Variants in DHRS3 observed in about 807,000 individuals in gnomAD.
DHRS3 encodes short-chain dehydrogenase/reductase 3.
Under a neutral mutation model 27.2 loss-of-function variants are expected in DHRS3, and 14 were observed. The ratio of observed to expected loss-of-function variants is 0.52; its 90% CI spans 0.34 to 0.81. The LOEUF is 0.81. DHRS3 is among the 30% of genes least tolerant of loss of function. DHRS3 has a pLI of 0.01. For synonymous variants in DHRS3, 165 were observed against 175.9 expected, an observed-to-expected ratio of 0.94 and a Z score of 0.49; for missense variants, 322 against 406.2, an observed-to-expected ratio of 0.79 and a Z score of 1.78.
rs1285675894 is a variant in DHRS3 at position 12,583,350 on chromosome 1, T to C, written c.196-2684A>G. On this transcript the variant is annotated intron_variant, in intron 1 of 5. Transcript: ENST00000616661. ...ATCCATCCATCCATCCATCCATCCA[T>C]CCACCCACCCATCCATTCCTCACCC... Among the ~76,000 whole-genome samples the C allele has an allele frequency of 9.9e-4, 131 of 131,992 alleles. 2 individuals are homozygous for C. Among genetic ancestry groups the C allele is most frequent in the South Asian group, 5.4e-4 (2 of 3,730 alleles). 86.6% of individuals were successfully genotyped at this position (131,992 alleles called of 152,430 possible).
rs891272993 is a variant in DHRS3, at chr1:12,617,788, TAAAAAAAAA to T, written c.-449_-441del. ...GTCCCGCGGTTTCAAAGTGCAAGAT[TAAAAAAAAA>T]AAAAAAAAAAAAAAAAAAGCTGATT... On this transcript the variant is annotated 5_prime_UTR_variant, in exon 1 of 6. Transcript: ENST00000616661. The T allele has an allele frequency of 3.3e-4, 1 of 3,070 alleles. No individual in the cohort carries two copies. Among genetic ancestry groups the T allele is most frequent in the Non-Finnish European group, 5.1e-4 (1 of 1,964 alleles). 0.2% of individuals were successfully genotyped at this position (3,070 alleles called of 1,614,324 possible). A position where few individuals can be genotyped will look rare whatever the true frequency, so the allele number is the denominator to read the frequency against.
intron 1 of DHRS3, among the ~76,000 whole-genome samples, chr1:12,615,482 C>A (rs181565018): frequency 1.2e-4 from 19 of 152,204 alleles, no homozygotes; most frequent in African/African-American, 2.7e-4. Flanking sequence ...CACCCACCCC[C>A]CAATGCCATA....
intron 1 of DHRS3, among the ~76,000 whole-genome samples, chr1:12,583,793 TC>T (rs1490260433): frequency 2.0e-5 from 3 of 149,962 alleles, no homozygotes; most frequent in Non-Finnish European, 3.0e-5. Context: ...CATCCATCCA[TC>T]CCCCCACCCA....
chr1:12,578,948 C>T lies in DHRS3; in HGVS notation c.468G>A (p.Lys156=), dbSNP rs1646616992. The T allele has an allele frequency of 2.5e-6, 4 of 1,612,114 alleles. No homozygotes were observed. The highest frequency in any genetic ancestry group is 1.7e-5 in the Admixed American group (1 of 59,986). ...INTLGQFWTT[K]AFLPRMLELQ... is the part of the protein sequence containing the mutation. ...GCTCCAGCATACGCGGCAGGAAGGC[C>T]TTGGTGGTCTGAGGGCAGATGGGGT... The change falls in exon 4 of 6, where the codon AAG becomes AAA. Residue 156 remains lysine, a synonymous_variant. Transcript: ENST00000616661. This position sits in a 1 kb window ranked among gnomAD's most constrained non-coding sequence, Gnocchi z 4.5.
rs749951435 is a variant in DHRS3 at position 12,579,408 on chromosome 1, C to T, written c.344G>A (p.Gly115Asp). Residue 115 changes from glycine (G) to aspartate (D), a missense_variant, in exon 3 of 6, where the codon GGT becomes GAT. Gly to Asp is a moderately conservative substitution (Grantham distance 94). Coordinates refer to ENST00000616661, the MANE Select transcript of DHRS3 (RefSeq NM_004753.7). ...ATTGTTCACCAGGATGGTGATGTCA[C>T]CCACCTGCAGGCGAGAGGGAGCCAC... ...QTAKAVREKV[G>D]DITILVNNAA... 9.3e-6 allele frequency: 15 copies of T among 1,613,892 alleles called. 1 individual carries two copies. In the South Asian group the frequency reaches 1.5e-4, roughly 17 times the overall value.
At chr1:12,613,088 G>A (rs191133034) in intron 1 of DHRS3, among the ~76,000 whole-genome samples, 3 of 151,622 alleles carry the variant, frequency 2.0e-5, no homozygotes, top group Non-Finnish European at 2.9e-5. Flanking sequence ...ATGACGGGAC[G>A]TAGACACACA....
At chr1:12,612,766 G>C (rs1385469298) in intron 1 of DHRS3, among the ~76,000 whole-genome samples, 9 of 152,108 alleles carry the variant, frequency 5.9e-5, no homozygotes, top group East Asian at 1.9e-4. Flanking sequence ...GTCCTTATAA[G>C]AAGATGATGG....
chr1:12,609,403 G>C (rs1423909638), intron 1 of DHRS3, among the ~76,000 whole-genome samples: 1 of 152,126 alleles, frequency 6.6e-6, no homozygotes, highest in African/African-American at 2.4e-5. Context: ...GAGCCCTGAG[G>C]GCTGGGTGCC....
rs113356632 is a variant in DHRS3, at chr1:12,592,244, G to A, written c.196-11578C>T. Among the ~76,000 whole-genome samples, 8 of 152,262 alleles carry A rather than the reference G, an allele frequency of 5.3e-5. No individual in the cohort carries two copies. The highest frequency in any genetic ancestry group is 1.2e-4 in the African/African-American group (5 of 41,534). ...TCGGCTGCCCGGATGTGGTACAGTC[G>A]GCTGATTAGTGTCCCCTGAGAAGCT... On this transcript the variant is annotated intron_variant, in intron 1 of 5. Coordinates refer to ENST00000616661, the MANE Select transcript of DHRS3 (RefSeq NM_004753.7). The surrounding 1 kb of genome is among the most constrained non-coding windows in gnomAD (Gnocchi z 4.2).
intron 5 of DHRS3, among the ~76,000 whole-genome samples, chr1:12,569,525 A>G (rs1553137503): frequency 6.6e-6 from 1 of 152,102 alleles, no homozygotes; most frequent in Non-Finnish European, 1.5e-5. Flanking sequence ...TGTGTTACAA[A>G]CAATCCAACT....
chr1:12,586,732 T>C lies in DHRS3; in HGVS notation c.196-6066A>G, dbSNP rs1266224408. 6.6e-6 allele frequency among the ~76,000 whole-genome samples: 1 copy of C among 152,236 alleles called. No homozygotes were observed. Among genetic ancestry groups the C allele is most frequent in the African/African-American group, 2.4e-5 (1 of 41,460 alleles). The stretch of plus-strand genomic sequence containing the variant: ...GAGAGGCTAAGCAACTCGTCTGAGG[T>C]CACACAGCAACTGAATAATGGAGCT... On this transcript the variant is annotated intron_variant, in intron 1 of 5. Transcript: ENST00000616661. This position sits in a 1 kb window ranked among gnomAD's most constrained non-coding sequence, Gnocchi z 5.0.
intron 1 of DHRS3, among the ~76,000 whole-genome samples, chr1:12,610,385 G>A (rs1008428681): frequency 2.0e-5 from 3 of 151,920 alleles, no homozygotes; most frequent in Non-Finnish European, 4.4e-5. Context: ...AGAATGTACT[G>A]TTCTACTGAT....
chr1:12,617,917 C>A lies in DHRS3; in HGVS notation c.-569G>T, dbSNP rs1399348038. On this transcript the variant is annotated 5_prime_UTR_variant, in exon 1 of 6. Coordinates refer to ENST00000616661, the MANE Select transcript of DHRS3 (RefSeq NM_004753.7). ...GTGCTTGGAGCTCCCAATTTCAGCC[C>A]GCGAAAGTCTCCCGACTCATTGCTA... Among the ~76,000 whole-genome samples, 1 of 149,690 alleles carries A rather than the reference C, an allele frequency of 6.7e-6. No individual in the cohort carries two copies. Among genetic ancestry groups the A allele is most frequent in the Admixed American group, 6.7e-5 (1 of 15,034 alleles).
In DHRS3 at chr1:12,617,421, G is replaced by C; in HGVS notation, c.-73C>G. ...CAATACAGGAATTAAAAAACACCCCGAACAATAAATAGTAAACCGAATAAG... is the reference window on the plus strand; with the variant it reads ...CAATACAGGAATTAAAAAACACCCCCAACAATAAATAGTAAACCGAATAAG... On this transcript the variant is annotated 5_prime_UTR_variant, in exon 1 of 6. Transcript: ENST00000616661. 2 of 1,465,128 alleles carry C rather than the reference G, an allele frequency of 1.4e-6. No individual in the cohort carries two copies. Among genetic ancestry groups the C allele is most frequent in the Non-Finnish European group, 1.8e-6 (2 of 1,090,148 alleles). The allele number at this position is 1,465,128 out of a possible 1,614,324, so 90.8% of individuals were successfully genotyped here.
intron 1 of DHRS3, among the ~76,000 whole-genome samples, chr1:12,614,232 C>T (rs1646929091): frequency 6.6e-6 from 1 of 152,142 alleles, no homozygotes; most frequent in South Asian, 2.1e-4. Context: ...GTCCACTTCT[C>T]CTCTCAGGGG....
In DHRS3 at chr1:12,574,296, C is replaced by T. The variant is rs373541256; in HGVS notation, c.699-1443G>A. On this transcript the variant is annotated intron_variant, in intron 4 of 5. Transcript: ENST00000616661. This position sits in a 1 kb window ranked among gnomAD's most constrained non-coding sequence, Gnocchi z 4.6. ...AAGTAATCCTCCTGCCTCAGCCACC[C>T]GAGTAGCTGGGACTACAGGTGCACA... 9.9e-5 allele frequency among the ~76,000 whole-genome samples: 15 copies of T among 152,246 alleles called. No homozygotes were observed. Among genetic ancestry groups the T allele is most frequent in the African/African-American group, 3.1e-4 (13 of 41,544 alleles).
intron 1 of DHRS3, chr1:12,616,539 T>A: frequency 1.0e-6 from 1 of 985,408 alleles, no homozygotes. Flanking sequence ...GAACAAGGGC[T>A]CTTTATCAGT....
In DHRS3 at chr1:12,568,430, G is replaced by A. The variant is rs11121940; in HGVS notation, c.825-6C>T. 76,808 of 1,612,726 alleles carry A rather than the reference G, an allele frequency of 0.048. 3,662 individuals carry two copies. The highest frequency in any genetic ancestry group is 0.21 in the African/African-American group (15,847 of 74,920). On this transcript the variant is annotated splice_polypyrimidine_tract_variant and splice_region_variant and intron_variant, in intron 5 of 5. Coordinates refer to ENST00000616661, the MANE Select transcript of DHRS3 (RefSeq NM_004753.7). The stretch of plus-strand genomic sequence containing the variant: ...GTGCAGCCTGTGGAAGTATGCTGGA[G>A]TAGGAGGAAGAAAAGAAGATAGCGA...
rs555547351 is a variant in DHRS3, at chr1:12,574,732, C to G, written c.699-1879G>C. Among the ~76,000 whole-genome samples the G allele has an allele frequency of 6.6e-6, 1 of 152,318 alleles. No individual in the cohort carries two copies. Among genetic ancestry groups the G allele is most frequent in the East Asian group, 1.9e-4 (1 of 5,186 alleles). On this transcript the variant is annotated intron_variant, in intron 4 of 5. Coordinates refer to ENST00000616661, the MANE Select transcript of DHRS3 (RefSeq NM_004753.7). This position sits in a 1 kb window ranked among gnomAD's most constrained non-coding sequence, Gnocchi z 4.6. ...CCAGGGAAGCCGACAGAGGAGGCCT[C>G]AAGCACGTCTGTGCGCAGGATTTTC...
Sources: allele counts gnomAD v4.1 joint callset (sites outside exome capture counted in the v4.1 genomes callset), GRCh38; gene constraint gnomAD v4.1.1; non-coding constraint Gnocchi (gnomAD v3.1); transcripts MANE v1.5; gene names NCBI Gene and HGNC (gene_info 2026-07-23, HGNC 2026-07-21).